The following ERC2 variants were observed in gnomAD, a reference collection of about 807,000 sequenced individuals.
The protein encoded by ERC2 is ELKS/RAB6-interacting/CAST family member 2.
ERC2 carries 42 observed loss-of-function variants against 114.8 expected under a neutral mutation model. The observed-to-expected ratio is 0.37, with a 90% CI of 0.29 to 0.47. The LOEUF is 0.47. Among genes scored for constraint, ERC2 ranks in the 20% least tolerant of loss-of-function variants. ERC2 has a pLI of 0.99. For missense variants in ERC2, 939 were observed against 1,150.7 expected (o/e 0.82, Z 2.66); for synonymous variants, 454 against 425.5 (o/e 1.07, Z -0.82).
chr3:55,623,605 C>T (rs358923), intron 17 of ERC2, among the ~76,000 whole-genome samples: 84,442 of 152,054 alleles, frequency 0.56, 24,911 homozygotes, highest in Non-Finnish European at 0.65. Flanking sequence ...GTCACCTGCT[C>T]TGACCTAAGT....
chr3:55,545,882 G>A (rs532191354), intron 17 of ERC2, among the ~76,000 whole-genome samples: 3 of 152,280 alleles, frequency 2.0e-5, no homozygotes, highest in African/African-American at 7.2e-5. Flanking sequence ...CCCAAGGGGC[G>A]GGGGAACTAG....
intron 14 of ERC2, among the ~76,000 whole-genome samples, chr3:55,881,820 A>C (rs17056098): frequency 0.12 from 18,024 of 152,234 alleles, 1,377 homozygotes; most frequent in African/African-American, 0.22. Flanking sequence ...AAAATTGAAC[A>C]ATTATGAAAT....
At chr3:55,757,922 C>A (rs1361712887) in intron 14 of ERC2, among the ~76,000 whole-genome samples, 1 of 151,884 alleles carries the variant, frequency 6.6e-6, no homozygotes, top group East Asian at 1.9e-4. Flanking sequence ...TCTATCAAAT[C>A]AAGATAAATA....
intron 17 of ERC2, among the ~76,000 whole-genome samples, chr3:55,645,788 T>A (rs994726095): frequency 4.6e-5 from 7 of 152,160 alleles, no homozygotes; most frequent in Non-Finnish European, 1.0e-4. Context: ...AACTTTGGCT[T>A]TCCTGCTACC....
intron 14 of ERC2, among the ~76,000 whole-genome samples, chr3:55,814,650 T>A (rs558286979): frequency 6.6e-6 from 1 of 152,306 alleles, no homozygotes; most frequent in African/African-American, 2.4e-5. Context: ...GATGACAAGT[T>A]GTAAGATATA....
intron 2 of ERC2, among the ~76,000 whole-genome samples, chr3:56,411,818 A>G (rs866546496): frequency 3.9e-5 from 6 of 152,070 alleles, no homozygotes; most frequent in Non-Finnish European, 7.4e-5. Flanking sequence ...ATTCTTAACC[A>G]CTGCACCAAA....
At chr3:55,581,305 C>A (rs142063096) in intron 17 of ERC2, among the ~76,000 whole-genome samples, 1 of 152,266 alleles carries the variant, frequency 6.6e-6, no homozygotes, top group Non-Finnish European at 1.5e-5. Context: ...AATACCCATG[C>A]AATAATACCA....
At chr3:56,020,944 T>C (rs2073673937) in intron 7 of ERC2, among the ~76,000 whole-genome samples, 1 of 152,162 alleles carries the variant, frequency 6.6e-6, no homozygotes, top group South Asian at 2.1e-4. Context: ...GGCATGCAGG[T>C]AGGGGTCAAG....
At chr3:55,648,110 T>C (rs187787350) in intron 17 of ERC2, among the ~76,000 whole-genome samples, 2 of 152,366 alleles carry the variant, frequency 1.3e-5, no homozygotes, top group Admixed American at 1.3e-4. Flanking sequence ...GGAAGGGTTA[T>C]TCTTCCCTTT....
rs902048327 is a variant in ERC2, at chr3:56,020,228, A to G, written c.1642-1197T>C. 3.9e-5 allele frequency among the ~76,000 whole-genome samples: 6 copies of G among 152,114 alleles called. No homozygotes were observed. In the East Asian group the frequency reaches 7.7e-4, roughly 20 times the overall value. ...TTGGCTAATTTTTTCAATGGCCACA[A>G]TGGAAACCCGTAAACTTTGTGGCCT... On this transcript the variant is annotated intron_variant, in intron 7 of 17. Transcript: ENST00000288221.
intron 4 of ERC2, among the ~76,000 whole-genome samples, chr3:56,151,158 A>G (rs1178948438): frequency 6.6e-6 from 1 of 152,090 alleles, no homozygotes; most frequent in African/African-American, 2.4e-5. Flanking sequence ...GCTCACAAAC[A>G]TAGGTTCAAG....
intron 2 of ERC2, among the ~76,000 whole-genome samples, chr3:56,407,057 T>C (rs1167964674): frequency 6.6e-6 from 1 of 152,170 alleles, no homozygotes; most frequent in Non-Finnish European, 1.5e-5. Context: ...ACAGGATAAG[T>C]GTCTTTTTAT....
chr3:56,207,502 A>T (rs2048812266), intron 3 of ERC2, among the ~76,000 whole-genome samples: 1 of 152,140 alleles, frequency 6.6e-6, no homozygotes, highest in Non-Finnish European at 1.5e-5. Context: ...AGCATCATAT[A>T]TTGAGATATT....
At chr3:56,430,432 T>C (rs4974213) in intron 2 of ERC2, among the ~76,000 whole-genome samples, 43,191 of 152,144 alleles carry the variant, frequency 0.28, 6,454 homozygotes, top group Admixed American at 0.43. Context: ...CCTGTAATCA[T>C]GCCACTCCAA....
chr3:55,591,418 C>T (rs1400353380), intron 17 of ERC2, among the ~76,000 whole-genome samples: 1 of 151,938 alleles, frequency 6.6e-6, no homozygotes, highest in African/African-American at 2.4e-5. Flanking sequence ...GAATGGAACC[C>T]CTCAACTAGT....
At chr3:55,872,201 G>A (rs150380764) in intron 14 of ERC2, among the ~76,000 whole-genome samples, 1 of 152,230 alleles carries the variant, frequency 6.6e-6, no homozygotes, top group East Asian at 1.9e-4. Context: ...GTGTTCCTAG[G>A]AATACTCCAC....
At chr3:55,715,264 C>G (rs1321277375) in intron 15 of ERC2, among the ~76,000 whole-genome samples, 1 of 152,140 alleles carries the variant, frequency 6.6e-6, no homozygotes, top group Non-Finnish European at 1.5e-5. Flanking sequence ...AGTCCTCCCC[C>G]AAGAATCCAG....
chr3:55,661,090 G>A (rs2061111269), intron 17 of ERC2, among the ~76,000 whole-genome samples: 1 of 152,182 alleles, frequency 6.6e-6, no homozygotes, highest in Admixed American at 6.5e-5. Flanking sequence ...CAACTCGTCT[G>A]TGCATTAGTT....
intron 14 of ERC2, among the ~76,000 whole-genome samples, chr3:55,821,129 G>A (rs888993594): frequency 5.3e-5 from 8 of 152,244 alleles, no homozygotes; most frequent in African/African-American, 1.9e-4. Flanking sequence ...CTTTTATGAG[G>A]GGGAGAGGAG....
Sources: gnomAD v4.1 joint callset for allele counts (sites outside exome capture counted in the v4.1 genomes callset) on GRCh38, gnomAD v4.1.1 for gene constraint, MANE v1.5 for transcripts, NCBI Gene and HGNC (gene_info 2026-07-23, HGNC 2026-07-21) for gene names.